The following ELN variants were observed in gnomAD, a reference collection of about 807,000 sequenced individuals.
ELN encodes the protein elastin.
Under a neutral mutation model 105.8 loss-of-function variants are expected in ELN, and 65 were observed. The observed-to-expected ratio is 0.61, with a 90% CI of 0.50 to 0.75. The LOEUF (loss-of-function observed/expected upper bound fraction) is 0.75, where lower values mean the gene tolerates loss of function less well. Among genes scored for constraint, ELN ranks in the 30% least tolerant of loss-of-function variants. ELN has a pLI of 0.00. For synonymous variants in ELN, 368 were observed against 389.2 expected (o/e 0.95, Z 0.64); for missense variants, 882 against 969.4 (o/e 0.91, Z 1.20).
intron 19 of ELN, 31 bp downstream of exon 19, chr7:74,054,800 C>T (rs1794900455): frequency 6.2e-7 from 1 of 1,613,154 alleles, no homozygotes; most frequent in Admixed American, 1.7e-5. Context: ...TCTGCCCCAC[C>T]CTGTCCTGGC....
rs1554682946 is a variant in ELN, at chr7:74,059,964, C to T, written c.1493C>T (p.Ala498Val). The change falls in exon 23 of 33, where the codon GCT becomes GTT. Residue 498 changes from alanine (A) to valine (V), a missense_variant. Transcript: ENST00000252034. ...GVGVAPGVGLAPGVGVAPGVG... is the reference protein window; with the variant it reads ...GVGVAPGVGLVPGVGVAPGVG... Reference sequence around the variant, plus strand: ...GGTGTGGCTCCTGGAGTTGGCTTGGCTCCTGGAGTTGGCGTGGCTCCTGGA... The same window carrying T: ...GGTGTGGCTCCTGGAGTTGGCTTGGTTCCTGGAGTTGGCGTGGCTCCTGGA... 13 of 1,612,680 alleles carry T rather than the reference C, an allele frequency of 8.1e-6. No individual in the cohort carries two copies. Among genetic ancestry groups the T allele is most frequent in the Non-Finnish European group, 1.1e-5 (13 of 1,179,332 alleles).
intron 29 of ELN, among the ~76,000 whole-genome samples, chr7:74,064,047 G>A (rs533674683): frequency 2.0e-5 from 3 of 151,922 alleles, no homozygotes; most frequent in African/African-American, 4.8e-5. Context: ...AGGCTGCAGT[G>A]AGCTGAGATG....
In ELN at chr7:74,062,695, C is replaced by T. The variant is rs912655909; in HGVS notation, c.1787-458C>T. Among the ~76,000 whole-genome samples the T allele has an allele frequency of 3.9e-5, 6 of 152,192 alleles. No homozygotes were observed. In the Middle Eastern group the frequency reaches 0.01, roughly 259 times the overall value. On this transcript the variant is annotated intron_variant, in intron 26 of 32. Transcript: ENST00000252034. ...CCTTCCAAGTAGCTGGGATTACAGG[C>T]GCCCGCCACCACGCCTGGCTAATTT... is the stretch of plus-strand genomic sequence containing the variant.
chr7:74,051,350 C>T (rs982693974), intron 15 of ELN, among the ~76,000 whole-genome samples: 2 of 152,172 alleles, frequency 1.3e-5, no homozygotes, highest in Non-Finnish European at 2.9e-5. Flanking sequence ...GAGAGCAGGG[C>T]TGTGAGGGGC....
intron 18 of ELN, 113 bp downstream of exon 18, chr7:74,053,422 C>G (rs1393560051): frequency 5.9e-6 from 9 of 1,534,368 alleles, no homozygotes; most frequent in African/African-American, 1.4e-5. Flanking sequence ...CCATAACCAT[C>G]TGCCCATACC....
intron 32 of ELN, among the ~76,000 whole-genome samples, chr7:74,067,598 C>T (rs1798230993): frequency 6.6e-6 from 1 of 151,834 alleles, no homozygotes; most frequent in Admixed American, 6.6e-5. Context: ...ATTAGCCGGG[C>T]ATGGTGGCGG....
intron 22 of ELN, 130 bp from the exon 23 acceptor site, chr7:74,059,756 A>G (rs1796177041): frequency 1.3e-6 from 1 of 770,470 alleles, no homozygotes; most frequent in African/African-American, 1.7e-5. Context: ...GAGGCCCAGC[A>G]AGGGAAAGTA....
Position 74,063,346 on chromosome 7 carries a change from C to A in ELN, c.1895C>A (p.Ala632Asp). ...GCCGCCGCCGCTGCCGCAGCCAAAGCTGCTGCCAAAGCCGCCCAGTTTGGT... is the reference window on the plus strand; with the variant it reads ...GCCGCCGCCGCTGCCGCAGCCAAAGATGCTGCCAAAGCCGCCCAGTTTGGT... ...GPAAAAAAAK[A>D]AAKAAQFGLV... The change falls in exon 28 of 33, where the codon GCT becomes GAT. Residue 632 changes from alanine to aspartate, a missense_variant. Physicochemically the swap from Ala to Asp is moderately radical, Grantham distance 126 (BLOSUM62 -2). Coordinates refer to ENST00000252034, the MANE Select transcript of ELN (RefSeq NM_000501.4). This position sits in a 1 kb window ranked among gnomAD's most constrained non-coding sequence, Gnocchi z 4.1. The A allele has an allele frequency of 6.5e-7, 1 of 1,549,658 alleles. No individual in the cohort carries two copies. Among genetic ancestry groups the A allele is most frequent in the Non-Finnish European group, 8.7e-7 (1 of 1,147,974 alleles).
rs1329178552 is a variant in ELN at position 74,037,643 on chromosome 7, G to A, written c.164-64G>A. On this transcript the variant is annotated intron_variant, in intron 3 of 32. Coordinates refer to ENST00000252034, the MANE Select transcript of ELN (RefSeq NM_000501.4). ...TGCCCACACTTTGCCCGGGTTGGGG[G>A]TTGGATAAGTAGTAGATGGATAAGC... The A allele has an allele frequency of 1.9e-6, 3 of 1,585,076 alleles. No individual in the cohort carries two copies. The African/African-American group carries it at 4.0e-5, about 21-fold the overall frequency.
rs782197522 is a variant in ELN at position 74,053,185 on chromosome 7, T to C, written c.972T>C (p.Pro324=). The stretch of plus-strand genomic sequence containing the variant: ...CAGGAGCTGCTGCAGGCTTAGTGCC[T>C]GGTGGGCCAGGCTTTGGCCCGGGAG... The part of the protein sequence containing the change: ...AKYGAAAGLV[P]GGPGFGPGVV... The change falls in exon 18 of 33, where the codon CCT becomes CCC. Residue 324 remains proline, a synonymous_variant. Transcript: ENST00000252034. The C allele has an allele frequency of 2.5e-6, 4 of 1,614,160 alleles. No homozygotes were observed. Among genetic ancestry groups the C allele is most frequent in the Non-Finnish European group, 3.4e-6 (4 of 1,180,028 alleles).
Position 74,042,610 on chromosome 7 carries a change from G to C in ELN, c.233-4G>C, listed in dbSNP as rs782410717. On this transcript the variant is annotated splice_polypyrimidine_tract_variant and splice_region_variant and intron_variant, in intron 5 of 32. Coordinates refer to ENST00000252034, the MANE Select transcript of ELN (RefSeq NM_000501.4). ...AGGACCTCACCCCATCCTCCCCTCC[G>C]CAGGGCTCGGCGCCTTCCCCGCAGT... The C allele has an allele frequency of 8.1e-6, 13 of 1,612,744 alleles. No individual in the cohort carries two copies. Among genetic ancestry groups the C allele is most frequent in the Non-Finnish European group, 1.1e-5 (13 of 1,179,942 alleles).
Position 74,043,885 on chromosome 7 carries a change from G to T in ELN, c.434G>T (p.Gly145Val). 1 of 1,614,102 alleles carries T rather than the reference G, an allele frequency of 6.2e-7. No homozygotes were observed. Among genetic ancestry groups the T allele is most frequent in the Non-Finnish European group, 8.5e-7 (1 of 1,180,006 alleles). Reference protein sequence around the residue: ...GVKPGKVPGVGLPGVYPGGVL... With the variant: ...GVKPGKVPGVVLPGVYPGGVL... ...TGCTTTCTTTTGGCCACAGGTGTGG[G>T]GCTGCCAGGTGTATACCCAGGTGGC... The change falls in exon 9 of 33, where the codon GGG becomes GTG. Residue 145 changes from glycine (G) to valine (V), a missense_variant. Gly to Val is a moderately radical substitution (Grantham distance 109, BLOSUM62 -3). Coordinates refer to ENST00000252034, the MANE Select transcript of ELN (RefSeq NM_000501.4).
intron 17 of ELN, 67 bp downstream of exon 17, chr7:74,052,050 G>A (rs144234196): frequency 3.5e-5 from 56 of 1,584,102 alleles, no homozygotes; most frequent in African/African-American, 8.1e-5. Flanking sequence ...GACCCTAGCC[G>A]CAAAGCCAGA....
At chr7:74,053,124 T>C (rs1451355329) in intron 17 of ELN, 39 bp from the exon 18 acceptor site, 10 of 1,613,564 alleles carry the variant, frequency 6.2e-6, no homozygotes, top group Non-Finnish European at 8.5e-6. Flanking sequence ...CCCTCTGAGG[T>C]TCCCATAGGT....
In ELN at chr7:74,042,620, G is replaced by A; in HGVS notation, c.239G>A (p.Gly80Asp). The A allele has an allele frequency of 6.2e-7, 1 of 1,613,246 alleles. No homozygotes were observed. The highest frequency in any genetic ancestry group is 2.2e-5 in the East Asian group (1 of 44,876). Residue 80 changes from glycine (G) to aspartate (D), a missense_variant, in exon 6 of 33, where the codon GGC (glycine) becomes GAC (aspartate). By Grantham distance (94) the Gly-to-Asp change is moderately conservative. Coordinates refer to ENST00000252034, the MANE Select transcript of ELN (RefSeq NM_000501.4). ...LAGAGLGAGLGAFPAVTFPGA... is the reference protein window; with the variant it reads ...LAGAGLGAGLDAFPAVTFPGA... The stretch of plus-strand genomic sequence containing the variant: ...CCCATCCTCCCCTCCGCAGGGCTCG[G>A]CGCCTTCCCCGCAGTTACCTTTCCG...
rs185148803 is a variant in ELN, at chr7:74,060,996, C to T, written c.1748-105C>T. 2,386 of 1,365,550 alleles carry T rather than the reference C, an allele frequency of 1.7e-3. 7 individuals are homozygous for T. The highest frequency in any genetic ancestry group is 2.1e-3 in the Non-Finnish European group (1,986 of 955,784). The allele number at this position is 1,365,550 out of a possible 1,614,324, so 84.6% of individuals were successfully genotyped here. On this transcript the variant is annotated intron_variant, in intron 25 of 32. Transcript: ENST00000252034. Reference sequence around the variant, plus strand: ...GTACAGCTTCAGGGCTTTGAGGAAGCAATAGAGGCCAAGGAAGTCAGGGAG... The same window carrying T: ...GTACAGCTTCAGGGCTTTGAGGAAGTAATAGAGGCCAAGGAAGTCAGGGAG...
chr7:74,044,732 C>G (rs562263309), intron 9 of ELN, among the ~76,000 whole-genome samples: 3 of 152,350 alleles, frequency 2.0e-5, no homozygotes, highest in East Asian at 1.9e-4. Context: ...CTCTCTCCCC[C>G]ACTACGCTGA....
chr7:74,039,612 G>A (rs1011607051), intron 4 of ELN, among the ~76,000 whole-genome samples: 5 of 152,228 alleles, frequency 3.3e-5, no homozygotes, highest in African/African-American at 4.8e-5. Flanking sequence ...AGCTCTCAGC[G>A]GGGGACCAGG....
At chr7:74,047,652 A>T in intron 12 of ELN, 23 bp from the exon 13 acceptor site, 1 of 1,614,070 alleles carries the variant, frequency 6.2e-7, no homozygotes, top group Non-Finnish European at 8.5e-7. Flanking sequence ...GCAGCCCCTG[A>T]GTTTGCTCTG....
Sources: allele counts gnomAD v4.1 joint callset (sites outside exome capture counted in the v4.1 genomes callset), GRCh38; gene constraint gnomAD v4.1.1; non-coding constraint Gnocchi (gnomAD v3.1); transcripts MANE v1.5; gene names NCBI Gene and HGNC (gene_info 2026-07-23, HGNC 2026-07-21).